The following AFAP1L1 variants were observed in gnomAD, a reference collection of about 807,000 sequenced individuals.
AFAP1L1 encodes the protein actin filament-associated protein 1-like 1.
Under a neutral mutation model 99.8 loss-of-function variants are expected in AFAP1L1, and 77 were observed. That is an observed-to-expected ratio of 0.77 (90% CI 0.64 to 0.93). The LOEUF (loss-of-function observed/expected upper bound fraction) is 0.93. Among genes scored for constraint, AFAP1L1 ranks in the 40% least tolerant of loss-of-function variants. AFAP1L1 has a pLI of 0.00. For synonymous variants in AFAP1L1, 373 were observed against 395.3 expected (o/e 0.94, Z 0.67); for missense variants, 893 against 996.8 (o/e 0.90, Z 1.40).
chr5:149,289,787 CG>C (rs2127591470), intron 1 of AFAP1L1, among the ~76,000 whole-genome samples: 1 of 152,318 alleles, frequency 6.6e-6, no homozygotes, highest in African/African-American at 2.4e-5. Context: ...AGCTGGTGAC[CG>C]CTCTGCGGAG....
chr5:149,315,185 G>A (rs1756758424), intron 9 of AFAP1L1, among the ~76,000 whole-genome samples: 1 of 152,118 alleles, frequency 6.6e-6, no homozygotes, highest in African/African-American at 2.4e-5. Context: ...AACTAATTTG[G>A]GCTGGCAATG....
rs755568849 is a variant in AFAP1L1 at position 149,317,736 on chromosome 5, G to A, written c.1275G>A (p.Leu425=). 3 of 1,613,944 alleles carry A rather than the reference G, an allele frequency of 1.9e-6. No individual in the cohort carries two copies. Among genetic ancestry groups the A allele is most frequent in the Non-Finnish European group, 1.7e-6 (2 of 1,179,950 alleles). The part of the protein sequence containing the change: ...TEEEVPCCGY[L]NVLVNQGWKE... ...CACCATTGTCTCCTCCAGGCTACCT[G>A]AACGTGCTGGTGAACCAGGGCTGGA... Residue 425 remains leucine (L), a synonymous_variant, in exon 12 of 19, where the codon CTG becomes CTA. Transcript: ENST00000296721.
intron 1 of AFAP1L1, among the ~76,000 whole-genome samples, chr5:149,293,783 C>T (rs931319498): frequency 5.3e-5 from 8 of 152,214 alleles, no homozygotes; most frequent in Non-Finnish European, 1.0e-4. Context: ...CAAAGTGCTT[C>T]ACAAGCATAA....
chr5:149,301,305 C>A, intron 4 of AFAP1L1, 75 bp downstream of exon 4: 1 of 1,408,862 alleles, frequency 7.1e-7, no homozygotes. Context: ...TCTCCCCTTC[C>A]CACTGGGTGC....
At chr5:149,302,611 G>A in intron 5 of AFAP1L1, 85 bp downstream of exon 5, 1 of 1,207,950 alleles carries the variant, frequency 8.3e-7, no homozygotes, top group Non-Finnish European at 1.2e-6. Context: ...TGTGGGAGCT[G>A]GAACTGCAAG....
chr5:149,317,819 A>G lies in AFAP1L1; in HGVS notation c.1358A>G (p.Asp453Gly). Residue 453 changes from aspartate to glycine, a missense_variant, in exon 12 of 19, where the codon GAC (aspartate) becomes GGC (glycine). Physicochemically the swap from Asp to Gly is moderately conservative, Grantham distance 94 (BLOSUM62 -1). Coordinates refer to ENST00000296721, the MANE Select transcript of AFAP1L1 (RefSeq NM_152406.4). ...CTGTATTTCCACAAGGATCACATGG[A>G]CCTGCGAACCCATGTGAACGCCATC... Reference protein sequence around the residue: ...NTLYFHKDHMDLRTHVNAIAL... With the variant: ...NTLYFHKDHMGLRTHVNAIAL... The G allele has an allele frequency of 6.2e-7, 1 of 1,613,300 alleles. No individual in the cohort carries two copies. Among genetic ancestry groups the G allele is most frequent in the Non-Finnish European group, 8.5e-7 (1 of 1,179,748 alleles).
intron 9 of AFAP1L1, among the ~76,000 whole-genome samples, chr5:149,314,348 G>T (rs946939029): frequency 2.0e-5 from 3 of 152,286 alleles, no homozygotes; most frequent in African/African-American, 7.2e-5. Context: ...ATGTGTAGAG[G>T]GGAAGAAGAA....
intron 14 of AFAP1L1, among the ~76,000 whole-genome samples, chr5:149,322,074 A>G (rs1319281355): frequency 6.6e-6 from 1 of 152,232 alleles, no homozygotes; most frequent in African/African-American, 2.4e-5. Flanking sequence ...GTTGTTGACA[A>G]CATCATTATT....
chr5:149,307,265 C>A (rs971151879), intron 6 of AFAP1L1, 137 bp from the exon 7 acceptor site: 10 of 864,890 alleles, frequency 1.2e-5, no homozygotes, highest in South Asian at 1.6e-5. Flanking sequence ...AAGTAGGGGC[C>A]TTAGTCATTA....
chr5:149,333,033 C>T (rs1757303405), intron 17 of AFAP1L1, among the ~76,000 whole-genome samples, 160 bp downstream of exon 17: 1 of 152,224 alleles, frequency 6.6e-6, no homozygotes, highest in Non-Finnish European at 1.5e-5. Flanking sequence ...ATGGGTGGCA[C>T]AGCTAGGAAG....
intron 2 of AFAP1L1, among the ~76,000 whole-genome samples, 190 bp from the exon 3 acceptor site, chr5:149,300,081 T>C (rs781455633): frequency 6.6e-5 from 10 of 152,192 alleles, no homozygotes; most frequent in Admixed American, 6.5e-5. Context: ...ATCCTTTTAC[T>C]TGGAGAAAGA....
At chr5:149,297,558 G>A (rs1756055898) in intron 1 of AFAP1L1, among the ~76,000 whole-genome samples, 1 of 152,210 alleles carries the variant, frequency 6.6e-6, no homozygotes, top group African/African-American at 2.4e-5. Flanking sequence ...TGAGATAGGA[G>A]CTGTCCACAT....
At chr5:149,287,525 T>C (rs1755720447) in intron 1 of AFAP1L1, among the ~76,000 whole-genome samples, 1 of 151,990 alleles carries the variant, frequency 6.6e-6, no homozygotes, top group South Asian at 2.1e-4. Flanking sequence ...ATAATGAGAG[T>C]ATCTCATGAA....
intron 1 of AFAP1L1, among the ~76,000 whole-genome samples, chr5:149,296,800 G>A (rs1425130786): frequency 1.3e-5 from 2 of 152,158 alleles, no homozygotes; most frequent in Non-Finnish European, 2.9e-5. Flanking sequence ...AATTTATAAA[G>A]GAAAGAGGCT....
chr5:149,331,203 G>A (rs1309415573), intron 16 of AFAP1L1, among the ~76,000 whole-genome samples: 3 of 152,234 alleles, frequency 2.0e-5, no homozygotes, highest in East Asian at 1.9e-4. Flanking sequence ...TTGGGAAGCC[G>A]AGGCAGGAGG....
intron 18 of AFAP1L1, among the ~76,000 whole-genome samples, chr5:149,337,449 G>T (rs373903683): frequency 6.6e-6 from 1 of 152,196 alleles, no homozygotes; most frequent in African/African-American, 2.4e-5. Flanking sequence ...CCTATTTAAA[G>T]TAGTGGAAAA....
chr5:149,326,338 A>T (rs1394131751), intron 15 of AFAP1L1, among the ~76,000 whole-genome samples: 5 of 152,158 alleles, frequency 3.3e-5, no homozygotes, highest in Non-Finnish European at 7.4e-5. Flanking sequence ...CAGGAGTTCA[A>T]GACAAGCCTA....
chr5:149,285,545 A>G (rs140729849), intron 1 of AFAP1L1, among the ~76,000 whole-genome samples: 3 of 152,266 alleles, frequency 2.0e-5, no homozygotes, highest in African/African-American at 7.2e-5. Context: ...GATGTTGGAT[A>G]CATCTCACCT....
intron 17 of AFAP1L1, 142 bp downstream of exon 17, chr5:149,333,015 G>A (rs1757302618): frequency 1.7e-6 from 2 of 1,171,904 alleles, no homozygotes; most frequent in Non-Finnish European, 1.2e-6. Flanking sequence ...AGAGGTGAAG[G>A]GCATGCCATG....
Sources: allele counts gnomAD v4.1 joint callset (sites outside exome capture counted in the v4.1 genomes callset), GRCh38; gene constraint gnomAD v4.1.1; transcripts MANE v1.5; gene names NCBI Gene and HGNC (gene_info 2026-07-23, HGNC 2026-07-21).